TACR1: variants seen among roughly 807,000 people sequenced by gnomAD.
TACR1 encodes the protein substance-P receptor.
In TACR1, 25 loss-of-function variants were observed where a neutral mutation model predicts 35.8. The observed-to-expected ratio is 0.70, with a 90% CI of 0.51 to 0.98. The LOEUF (loss-of-function observed/expected upper bound fraction) is 0.98. TACR1 is among the 50% of genes least tolerant of loss of function. The probability of loss-of-function intolerance (pLI) is 0.00; values close to 1 mark genes in which losing one functional copy is unlikely to be tolerated. For missense variants in TACR1, 478 were observed against 522.9 expected (o/e 0.91, Z 0.84); for synonymous variants, 195 against 206.7 (o/e 0.94, Z 0.48).
intron 2 of TACR1, among the ~76,000 whole-genome samples, chr2:75,056,153 ATGACTTTATTCAAGTGTGTATTAAC>A (rs1190094174): frequency 6.6e-6 from 1 of 152,196 alleles, no homozygotes; most frequent in Admixed American, 6.5e-5. Context: ...CCGTGATTTA[ATGACTTTATTCAAGTGTGTATTAAC>A]TGTGTTTTCT....
intron 1 of TACR1, among the ~76,000 whole-genome samples, chr2:75,148,278 C>T (rs1016049901): frequency 2.0e-5 from 3 of 152,130 alleles, no homozygotes; most frequent in Non-Finnish European, 4.4e-5. Context: ...AGTTCTAGAT[C>T]CTTGAGGAAT....
In TACR1 at chr2:75,047,332, T is replaced by C. The variant is rs897923505; in HGVS notation, c.*2100A>G. The C allele has an allele frequency of 2.6e-5, 4 of 152,246 alleles. No individual in the cohort carries two copies. The highest frequency in any genetic ancestry group is 9.6e-5 in the African/African-American group (4 of 41,468). 9.4% of individuals were successfully genotyped at this position (152,246 alleles called of 1,614,324 possible). On this transcript the variant is annotated 3_prime_UTR_variant, in exon 5 of 5. Transcript: ENST00000305249. ...CTGTCCTCTCAGATGCCTCCAAGAC[T>C]GCTGGGCAGCTTAGACTCACTAGGA...
chr2:75,085,373 A>C (rs957541721), intron 2 of TACR1, among the ~76,000 whole-genome samples: 1 of 152,020 alleles, frequency 6.6e-6, no homozygotes, highest in Non-Finnish European at 1.5e-5. Context: ...GGTGTCCTGC[A>C]ATCATTTCTC....
intron 2 of TACR1, among the ~76,000 whole-genome samples, chr2:75,072,571 G>C (rs372216445): frequency 6.2e-4 from 94 of 152,360 alleles, no homozygotes; most frequent in Middle Eastern, 3.4e-3. Context: ...GGCCAGATTA[G>C]TAGGGTCGCA....
intron 2 of TACR1, among the ~76,000 whole-genome samples, chr2:75,113,284 G>T (rs550936028): frequency 6.6e-6 from 1 of 152,312 alleles, no homozygotes; most frequent in African/African-American, 2.4e-5. Context: ...GCCTCCGGAA[G>T]TTGATGGCAG....
rs77174977 is a variant in TACR1, at chr2:75,052,117, A to G, written c.736-670T>C. Among the ~76,000 whole-genome samples, 355 of 152,322 alleles carry G rather than the reference A, an allele frequency of 2.3e-3. 3 individuals are homozygous for G. The highest frequency in any genetic ancestry group is 8.2e-3 in the African/African-American group (342 of 41,548). On this transcript the variant is annotated intron_variant, in intron 3 of 4. Transcript: ENST00000305249. ...ATGATCTGAATGTTTGTGTCACTTC[A>G]AATTTATATGTTGAAATCCTAACCC...
At chr2:75,188,783 A>T (rs1277042252) in intron 1 of TACR1, 2 of 152,240 alleles carry the variant, frequency 1.3e-5, no homozygotes, top group Admixed American at 1.3e-4. Flanking sequence ...TGATGACCTC[A>T]TGCCAAGAGG....
At chr2:75,080,471 G>C (rs902125686) in intron 2 of TACR1, among the ~76,000 whole-genome samples, 1 of 152,162 alleles carries the variant, frequency 6.6e-6, no homozygotes, top group Admixed American at 6.6e-5. Context: ...GTCAGTTATA[G>C]TTAGATTTTA....
chr2:75,170,762 G>T (rs760904651), intron 1 of TACR1, among the ~76,000 whole-genome samples: 1 of 152,146 alleles, frequency 6.6e-6, no homozygotes, highest in Non-Finnish European at 1.5e-5. Flanking sequence ...GCAGCATTTT[G>T]CCCTTGCCCT....
chr2:75,158,510 G>A (rs756352612), intron 1 of TACR1, among the ~76,000 whole-genome samples: 3 of 152,142 alleles, frequency 2.0e-5, no homozygotes, highest in Non-Finnish European at 4.4e-5. Flanking sequence ...TCTATCGCAG[G>A]CCTCAGGCAA....
intron 2 of TACR1, among the ~76,000 whole-genome samples, chr2:75,105,955 G>A (rs1477544565): frequency 1.3e-5 from 2 of 151,968 alleles, no homozygotes; most frequent in Non-Finnish European, 2.9e-5. Context: ...TCCCGGATGG[G>A]ATCCTGGAAC....
chr2:75,146,745 G>T (rs139310942), intron 1 of TACR1, among the ~76,000 whole-genome samples: 3 of 152,294 alleles, frequency 2.0e-5, no homozygotes, highest in Non-Finnish European at 4.4e-5. Context: ...TAGAGTTGCA[G>T]TTGCAGTAAA....
At chr2:75,093,557 C>T (rs564851087) in intron 2 of TACR1, among the ~76,000 whole-genome samples, 1 of 152,234 alleles carries the variant, frequency 6.6e-6, no homozygotes, top group South Asian at 2.1e-4. Flanking sequence ...GTGAAGTAGA[C>T]AGGAGTCTGC....
chr2:75,119,267 T>A (rs976450501), intron 2 of TACR1, among the ~76,000 whole-genome samples: 1 of 152,246 alleles, frequency 6.6e-6, no homozygotes, highest in Non-Finnish European at 1.5e-5. Flanking sequence ...GAATACATTA[T>A]CTCGTTTGAT....
rs926882575 is a variant in TACR1, at chr2:75,047,591, A to G, written c.*1841T>C. 1 of 152,230 alleles carries G rather than the reference A, an allele frequency of 6.6e-6. No individual in the cohort carries two copies. Among genetic ancestry groups the G allele is most frequent in the African/African-American group, 2.4e-5 (1 of 41,458 alleles). The allele number at this position is 152,230 out of a possible 1,614,324, so 9.4% of individuals were successfully genotyped here. A position where few individuals can be genotyped will look rare whatever the true frequency, so the allele number is the denominator to read the frequency against. ...TTCTTCCAAAGTGAGTAATCCATAC[A>G]CAGCAAGATTCTCTATTGGAAGTAT... On this transcript the variant is annotated 3_prime_UTR_variant, in exon 5 of 5. Transcript: ENST00000305249.
At chr2:75,071,509 C>T (rs1672881271) in intron 2 of TACR1, among the ~76,000 whole-genome samples, 2 of 152,202 alleles carry the variant, frequency 1.3e-5, no homozygotes, top group Non-Finnish European at 2.9e-5. Flanking sequence ...ATGCCTTGTG[C>T]AGTTCTTCAT....
chr2:75,171,789 A>G (rs1675292959), intron 1 of TACR1, among the ~76,000 whole-genome samples: 1 of 152,190 alleles, frequency 6.6e-6, no homozygotes, highest in Non-Finnish European at 1.5e-5. Flanking sequence ...TCCCACTTGG[A>G]ATGGGTTTAT....
At chr2:75,090,864 G>A (rs569221886) in intron 2 of TACR1, 1 of 153,854 alleles carries the variant, frequency 6.5e-6, no homozygotes, top group East Asian at 2.0e-4. Context: ...AGTAACTTGT[G>A]CTTATAACTC....
In TACR1 at chr2:75,176,641, T is replaced by C. The variant is rs1454248233; in HGVS notation, c.389+21905A>G. ...TAGACTGCTGTTCCACAGCAGGACT[T>C]TGGGGACTCTGATGGAGCCCCAAGT... On this transcript the variant is annotated intron_variant, in intron 1 of 4. Coordinates refer to ENST00000305249, the MANE Select transcript of TACR1 (RefSeq NM_001058.4). Among the ~76,000 whole-genome samples the C allele has an allele frequency of 2.6e-5, 4 of 152,274 alleles. No homozygotes were observed. The East Asian group carries it at 5.8e-4, about 22-fold the overall frequency.
Sources: gnomAD v4.1 joint callset for allele counts (sites outside exome capture counted in the v4.1 genomes callset) on GRCh38, gnomAD v4.1.1 for gene constraint, MANE v1.5 for transcripts, NCBI Gene and HGNC (gene_info 2026-07-23, HGNC 2026-07-21) for gene names.